Variants in TMEM132A observed in about 807,000 individuals in gnomAD.
TMEM132A encodes the protein transmembrane protein 132A.
A neutral mutation model predicts 69.9 loss-of-function variants in TMEM132A; 48 were observed. The observed-to-expected ratio is 0.69, with a 90% CI of 0.55 to 0.87. The LOEUF (loss-of-function observed/expected upper bound fraction) is 0.87. Among genes scored for constraint, TMEM132A ranks in the 40% least tolerant of loss-of-function variants. The pLI, the probability that TMEM132A is intolerant of heterozygous loss-of-function variation, is 0.00. For missense variants in TMEM132A, 1,287 were observed against 1,407.2 expected, an observed-to-expected ratio of 0.91 and a Z score of 1.37; for synonymous variants, 577 against 613.7, an observed-to-expected ratio of 0.94 and a Z score of 0.88.
intron 8 of TMEM132A, chr11:60,933,974 C>G (rs777996212): frequency 3.5e-6 from 2 of 573,514 alleles, no homozygotes; most frequent in Non-Finnish European, 6.2e-6. Flanking sequence ...CCCGTAGCAC[C>G]CTCCACTTCC....
intron 7 of TMEM132A, chr11:60,932,371 G>A (rs532489867): frequency 5.8e-5 from 24 of 412,680 alleles, no homozygotes; most frequent in East Asian, 1.9e-4. Flanking sequence ...TGGCAAGTGC[G>A]CTGGCCTGAG....
At chr11:60,924,829 C>A in intron 1 of TMEM132A, 96 bp downstream of exon 1, 1 of 914,318 alleles carries the variant, frequency 1.1e-6, no homozygotes, top group Non-Finnish European at 1.6e-6. Context: ...GGTTCTCGGA[C>A]TGAACCCTGA....
In TMEM132A at chr11:60,935,780, T is replaced by C; in HGVS notation, c.2029-84T>C. The C allele has an allele frequency of 6.8e-7, 1 of 1,470,556 alleles. No homozygotes were observed. The highest frequency in any genetic ancestry group is 9.3e-7 in the Non-Finnish European group (1 of 1,079,362). The allele number at this position is 1,470,556 out of a possible 1,614,324, so 91.1% of individuals were successfully genotyped here. A position where few individuals can be genotyped will look rare whatever the true frequency, so the allele number is the denominator to read the frequency against. ...TGTTTTCTCTCTGGTCTCTCCTCCA[T>C]GTGGCCTATCTCTGTGGGAGTGGTT... is the stretch of plus-strand genomic sequence containing the variant. On this transcript the variant is annotated intron_variant, in intron 10 of 10. Coordinates refer to ENST00000453848, the MANE Select transcript of TMEM132A (RefSeq NM_178031.3). The surrounding 1 kb of genome is among the most constrained non-coding windows in gnomAD (Gnocchi z 5.0).
Position 60,936,671 on chromosome 11 carries a change from A to G in TMEM132A, c.2836A>G (p.Ser946Gly). 1 of 1,553,308 alleles carries G rather than the reference A, an allele frequency of 6.4e-7. No homozygotes were observed. The highest frequency in any genetic ancestry group is 8.7e-7 in the Non-Finnish European group (1 of 1,150,902). Reference protein sequence around the residue: ...LAPGPPGGTTSSSSTLARKEA... With the variant: ...LAPGPPGGTTGSSSTLARKEA... ...CCCTGGCCCTCCTGGGGGCACCACC[A>G]GCTCCTCAAGCACCCTGGCCCGAAA... Residue 946 changes from serine (S) to glycine (G), a missense_variant, in exon 11 of 11, where the codon AGC becomes GGC. Ser to Gly is a moderately conservative substitution (Grantham distance 56, BLOSUM62 0). Coordinates refer to ENST00000453848, the MANE Select transcript of TMEM132A (RefSeq NM_178031.3).
chr11:60,928,914 A>C lies in TMEM132A; in HGVS notation c.820A>C (p.Thr274Pro). The C allele has an allele frequency of 6.2e-7, 1 of 1,612,648 alleles. No individual in the cohort carries two copies. Among genetic ancestry groups the C allele is most frequent in the South Asian group, 1.1e-5 (1 of 91,086 alleles). The part of the protein sequence containing the change: ...PVRPGQLFSA[T>P]LLLRHNFTAS... ...GCGGCCCGGCCAGCTCTTTAGTGCTACCCTCCTGCTTCGGCACAACTTCAC... is the reference window on the plus strand; with the variant it reads ...GCGGCCCGGCCAGCTCTTTAGTGCTCCCCTCCTGCTTCGGCACAACTTCAC... Residue 274 changes from threonine (T) to proline (P), a missense_variant, in exon 4 of 11, where the codon ACC becomes CCC. Physicochemically the swap from Thr to Pro is conservative, Grantham distance 38. Coordinates refer to ENST00000453848, the MANE Select transcript of TMEM132A (RefSeq NM_178031.3).
rs1262574799 is a variant in TMEM132A, at chr11:60,936,510, C to A, written c.2675C>A (p.Pro892His). The A allele has an allele frequency of 1.9e-6, 3 of 1,613,926 alleles. No homozygotes were observed. Among genetic ancestry groups the A allele is most frequent in the Non-Finnish European group, 2.5e-6 (3 of 1,180,020 alleles). The change falls in exon 11 of 11, where the codon CCC becomes CAC. Residue 892 changes from proline (P) to histidine (H), a missense_variant. Coordinates refer to ENST00000453848, the MANE Select transcript of TMEM132A (RefSeq NM_178031.3). ...DSATDPTSPQ[P>H]HNWVWLGTDQ... is the part of the protein sequence containing the mutation. ...GCCACTGACCCCACCTCCCCCCAGCCCCACAACTGGGTCTGGCTGGGCACT... is the reference window on the plus strand; with the variant it reads ...GCCACTGACCCCACCTCCCCCCAGCACCACAACTGGGTCTGGCTGGGCACT...
intron 1 of TMEM132A, among the ~76,000 whole-genome samples, chr11:60,924,950 T>C (rs1004577262): frequency 6.6e-6 from 1 of 151,994 alleles, no homozygotes; most frequent in African/African-American, 2.4e-5. Flanking sequence ...CGGCAACTCC[T>C]TCCTGACCCG....
intron 7 of TMEM132A, 176 bp downstream of exon 7, chr11:60,932,303 G>A (rs1590627526): frequency 5.4e-6 from 4 of 734,760 alleles, no homozygotes; most frequent in East Asian, 3.0e-5. Flanking sequence ...CCTCTCTCCC[G>A]AGTCAAGTAA....
chr11:60,928,028 G>C (rs1856392252), intron 3 of TMEM132A, among the ~76,000 whole-genome samples, 169 bp downstream of exon 3: 1 of 152,208 alleles, frequency 6.6e-6, no homozygotes, highest in South Asian at 2.1e-4. Flanking sequence ...GTTATTTAGG[G>C]CCCCAGAGGG....
chr11:60,935,226 C>T lies in TMEM132A; in HGVS notation c.1837-26C>T. On this transcript the variant is annotated intron_variant, in intron 9 of 10. Transcript: ENST00000453848. This position sits in a 1 kb window ranked among gnomAD's most constrained non-coding sequence, Gnocchi z 5.0. ...GGGGCTGTCTGTATGGAAGGCCCCC[C>T]ACCTCCAGCTCCTTTCCACCCTCAG... The T allele has an allele frequency of 6.3e-7, 1 of 1,576,524 alleles. No homozygotes were observed. Among genetic ancestry groups the T allele is most frequent in the African/African-American group, 1.3e-5 (1 of 74,494 alleles).
chr11:60,935,389 C>G lies in TMEM132A; in HGVS notation c.1974C>G (p.Pro658=). The G allele has an allele frequency of 1.9e-6, 3 of 1,612,156 alleles. No homozygotes were observed. The highest frequency in any genetic ancestry group is 1.1e-5 in the South Asian group (1 of 90,468). ...SLTLSRGTAH[P]GEVTATCWAQ... is the part of the protein sequence containing the mutation. ...CCTTGAGCCGGGGCACTGCCCACCC[C>G]GGGGAGGTCACAGCTACGTGCTGGG... Residue 658 remains proline (P), a synonymous_variant, in exon 10 of 11, where the codon CCC becomes CCG. Transcript: ENST00000453848. The surrounding 1 kb of genome is among the most constrained non-coding windows in gnomAD (Gnocchi z 5.0).
rs1185872931 is a variant in TMEM132A at position 60,935,116 on chromosome 11, G to T, written c.1837-136G>T. 1 of 796,894 alleles carries T rather than the reference G, an allele frequency of 1.3e-6. No homozygotes were observed. The highest frequency in any genetic ancestry group is 2.0e-6 in the Non-Finnish European group (1 of 502,386). 49.4% of individuals were successfully genotyped at this position (796,894 alleles called of 1,614,324 possible). On this transcript the variant is annotated intron_variant, in intron 9 of 10. Coordinates refer to ENST00000453848, the MANE Select transcript of TMEM132A (RefSeq NM_178031.3). This position sits in a 1 kb window ranked among gnomAD's most constrained non-coding sequence, Gnocchi z 5.0. ...GCTGGGAGTACCCGGTTCCCTCTGG[G>T]TGGGGGCTGTCCGTGGCGAAGACCT...
rs145130532 is a variant in TMEM132A, at chr11:60,928,920, C to A, written c.826C>A (p.Leu276Met). ...CGGCCAGCTCTTTAGTGCTACCCTC[C>A]TGCTTCGGCACAACTTCACAGCCAG... is the stretch of plus-strand genomic sequence containing the variant. ...RPGQLFSATL[L>M]LRHNFTASLL... The change falls in exon 4 of 11, where the codon CTG (leucine) becomes ATG (methionine). Residue 276 changes from leucine to methionine, a missense_variant. By Grantham distance (15) the Leu-to-Met change is conservative. Transcript: ENST00000453848. The A allele has an allele frequency of 1.0e-4, 167 of 1,612,632 alleles. No homozygotes were observed. The highest frequency in any genetic ancestry group is 1.3e-4 in the Non-Finnish European group (157 of 1,180,032).
In TMEM132A at chr11:60,927,878, C is replaced by G. The variant is rs1389752318; in HGVS notation, c.534+19C>G. On this transcript the variant is annotated intron_variant, in intron 3 of 10. Coordinates refer to ENST00000453848, the MANE Select transcript of TMEM132A (RefSeq NM_178031.3). The stretch of plus-strand genomic sequence containing the variant: ...CTTCCAGGTGAGTAGACAGGCCCCA[C>G]CTAGGCTGGTCCTGCTGCAGCTGCA... 1.9e-6 allele frequency: 3 copies of G among 1,590,638 alleles called. No homozygotes were observed. The highest frequency in any genetic ancestry group is 1.7e-6 in the Non-Finnish European group (2 of 1,168,226).
chr11:60,928,833 T>C lies in TMEM132A; in HGVS notation c.739T>C (p.Tyr247His). 2 of 1,612,530 alleles carry C rather than the reference T, an allele frequency of 1.2e-6. No individual in the cohort carries two copies. The highest frequency in any genetic ancestry group is 1.7e-6 in the Non-Finnish European group (2 of 1,179,936). Residue 247 changes from tyrosine to histidine, a missense_variant, in exon 4 of 11, where the codon TAC becomes CAC. Physicochemically the swap from Tyr to His is moderately conservative, Grantham distance 83. Transcript: ENST00000453848. ...GCTGCGCCCAGCAGACCCCCCGCAG[T>C]ACCAGGAGGTACCTCTGGACGAGGC... ...VELRPADPPQ[Y>H]QEVPLDEAVT...
At chr11:60,932,715 G>A (rs1162306661) in intron 7 of TMEM132A, 1 of 152,206 alleles carries the variant, frequency 6.6e-6, no homozygotes, top group Non-Finnish European at 1.5e-5. Context: ...CTATCTTGAA[G>A]TTCTAAGAGG....
chr11:60,934,794 C>G lies in TMEM132A; in HGVS notation c.1836+30C>G, dbSNP rs776895035. 8.3e-6 allele frequency: 13 copies of G among 1,568,666 alleles called. No homozygotes were observed. The South Asian group carries it at 1.4e-4, about 17-fold the overall frequency. On this transcript the variant is annotated intron_variant, in intron 9 of 10. Coordinates refer to ENST00000453848, the MANE Select transcript of TMEM132A (RefSeq NM_178031.3). ...GCAGCTGGGGACCAGGAGAGTAGAC[C>G]CCCTGAGAAGGGTGGAGGGGCCCCC...
rs1856550270 is a variant in TMEM132A at position 60,934,641 on chromosome 11, C to G, written c.1713C>G (p.Pro571=). ...GCCGCCTCACGCACCTGCTTGGCCC[C>G]GACTGGCTGCTAGACGTGTCCCACC... ...GGRRLTHLLG[P]DWLLDVSHLV... is the part of the protein sequence containing the mutation. Residue 571 remains proline (P), a synonymous_variant, in exon 9 of 11, where the codon CCC becomes CCG. Transcript: ENST00000453848. The G allele has an allele frequency of 8.8e-6, 14 of 1,593,228 alleles. No individual in the cohort carries two copies. The highest frequency in any genetic ancestry group is 1.2e-5 in the Non-Finnish European group (14 of 1,177,406).
chr11:60,926,961 G>T (rs1355641553), intron 1 of TMEM132A: 4 of 584,106 alleles, frequency 6.8e-6, no homozygotes, highest in Non-Finnish European at 1.2e-5. Context: ...GAAAGTAGAA[G>T]GAATAGCTGG....
Sources: allele counts gnomAD v4.1 joint callset (sites outside exome capture counted in the v4.1 genomes callset), GRCh38; gene constraint gnomAD v4.1.1; non-coding constraint Gnocchi (gnomAD v3.1); transcripts MANE v1.5; gene names NCBI Gene and HGNC (gene_info 2026-07-23, HGNC 2026-07-21).